The following CPLANE1 variants were observed in gnomAD, a reference collection of about 807,000 sequenced individuals.
CPLANE1 encodes the protein ciliogenesis and planar polarity effector 1.
In CPLANE1, 263 loss-of-function variants were observed where a neutral mutation model predicts 362.5. That is an observed-to-expected ratio of 0.73 (90% CI 0.66 to 0.80). The LOEUF is 0.80. Ranked by LOEUF, CPLANE1 falls within the 30% of genes least tolerant of loss-of-function variation. CPLANE1 has a pLI of 0.00. For missense variants in CPLANE1, 3,461 were observed against 3,793.4 expected (o/e 0.91, Z 2.30); for synonymous variants, 1,212 against 1,302.6 (o/e 0.93, Z 1.50).
intron 21 of CPLANE1, among the ~76,000 whole-genome samples, chr5:37,192,750 G>C (rs1310330489): frequency 6.6e-6 from 1 of 150,510 alleles, no homozygotes; most frequent in Non-Finnish European, 1.5e-5. Context: ...TGTAGTCCCA[G>C]CTACTCGGGA....
chr5:37,165,533 C>T lies in CPLANE1; in HGVS notation c.7533+6G>A, dbSNP rs1330525684. The T allele has an allele frequency of 6.2e-7, 1 of 1,608,220 alleles. No individual in the cohort carries two copies. The highest frequency in any genetic ancestry group is 1.7e-5 in the Admixed American group (1 of 58,668). The stretch of plus-strand genomic sequence containing the variant: ...CAGGGAAGAATCTATAGCAGTTTTT[C>T]TATACCTTGGGTTTCTTAATGATTT... On this transcript the variant is annotated splice_donor_region_variant and intron_variant, in intron 36 of 52. Coordinates refer to ENST00000651892, the MANE Select transcript of CPLANE1 (RefSeq NM_001384732.1).
At chr5:37,196,319 T>C (rs1481204264) in intron 20 of CPLANE1, among the ~76,000 whole-genome samples, 1 of 152,180 alleles carries the variant, frequency 6.6e-6, no homozygotes, top group Non-Finnish European at 1.5e-5. Flanking sequence ...AATCTTAATC[T>C]TATCCCAAAT....
chr5:37,245,877 G>A, intron 2 of CPLANE1, 32 bp from the exon 3 acceptor site: 3 of 1,445,538 alleles, frequency 2.1e-6, no homozygotes, highest in South Asian at 1.5e-5. Flanking sequence ...GGACTCAAGA[G>A]GTGCCAGAAA....
chr5:37,134,493 T>G (rs561758884), intron 46 of CPLANE1, among the ~76,000 whole-genome samples: 1 of 152,372 alleles, frequency 6.6e-6, no homozygotes, highest in Admixed American at 6.5e-5. Flanking sequence ...GTCACCTTTG[T>G]TGTTTTCTGA....
chr5:37,247,570 C>T, intron 2 of CPLANE1, 48 bp downstream of exon 2: 1 of 1,477,586 alleles, frequency 6.8e-7, no homozygotes, highest in Non-Finnish European at 9.2e-7. Context: ...GCAAAACACA[C>T]ATATAACATA....
In CPLANE1 at chr5:37,108,280, G is replaced by A. The variant is rs767567076; in HGVS notation, c.9579+13C>T. On this transcript the variant is annotated intron_variant, in intron 52 of 52. Coordinates refer to ENST00000651892, the MANE Select transcript of CPLANE1 (RefSeq NM_001384732.1). Reference sequence around the variant, plus strand: ...GCAATCACTAGACAAACAAAATCTAGAACAATGCTTACTTGTAGAAGGGAA... The same window carrying A: ...GCAATCACTAGACAAACAAAATCTAAAACAATGCTTACTTGTAGAAGGGAA... The A allele has an allele frequency of 1.2e-6, 2 of 1,609,848 alleles. No individual in the cohort carries two copies. Among genetic ancestry groups the A allele is most frequent in the Admixed American group, 1.7e-5 (1 of 59,576 alleles).
intron 23 of CPLANE1, 135 bp downstream of exon 23, chr5:37,187,279 T>C (rs1784345758): frequency 2.8e-6 from 2 of 721,306 alleles, no homozygotes; most frequent in Admixed American, 6.3e-5. Context: ...AGTATTTACC[T>C]TTTTGAACCC....
At chr5:37,101,037 A>G in the CPLANE1 span, among the ~76,000 whole-genome samples, 12 of 152,354 alleles carry the variant, frequency 7.9e-5, no homozygotes, top group Middle Eastern at 3.4e-3. Context: ...TTCTAGATAT[A>G]GGATCACACC....
chr5:37,094,383 T>C, the CPLANE1 span, among the ~76,000 whole-genome samples: 2 of 152,176 alleles, frequency 1.3e-5, no homozygotes, highest in Non-Finnish European at 2.9e-5. Flanking sequence ...TTCTTTGAAC[T>C]GAATGACAAT....
chr5:37,118,790 T>C lies in CPLANE1; in HGVS notation c.9310+1426A>G, dbSNP rs184241419. ...GTGCAGTGGTGCGATCTCAGCTCAC[T>C]GCAACCTCCGCCTCCTGGGTTCAAG... On this transcript the variant is annotated intron_variant, in intron 50 of 52. Transcript: ENST00000651892. 7.9e-5 allele frequency among the ~76,000 whole-genome samples: 12 copies of C among 151,780 alleles called. No homozygotes were observed. The East Asian group carries it at 1.7e-3, about 22-fold the overall frequency.
chr5:37,226,747 A>C lies in CPLANE1; in HGVS notation c.1848T>G (p.Phe616Leu). The C allele has an allele frequency of 6.5e-7, 1 of 1,543,614 alleles. No individual in the cohort carries two copies. The highest frequency in any genetic ancestry group is 8.7e-7 in the Non-Finnish European group (1 of 1,143,588). The stretch of plus-strand genomic sequence containing the variant: ...TGCTTAAAACAAGATCAAGTTTAGG[A>C]AAAGGACATTTTATAAATTGAAGAA... ...FYILQFIKCP[F>L]PKLDLVLSKS... The change falls in exon 12 of 53, where the codon TTT becomes TTG. Residue 616 changes from phenylalanine (F) to leucine (L), a missense_variant. This residue lies in a region of CPLANE1 where 3,380 missense variants were observed against 3,666.1 expected (regional missense o/e 0.92). Coordinates refer to ENST00000651892, the MANE Select transcript of CPLANE1 (RefSeq NM_001384732.1).
In CPLANE1 at chr5:37,107,332, G is replaced by C. The variant is rs912313881; in HGVS notation, c.*270C>G. 18 of 1,163,658 alleles carry C rather than the reference G, an allele frequency of 1.5e-5. No individual in the cohort carries two copies. Among genetic ancestry groups the C allele is most frequent in the Non-Finnish European group, 1.9e-5 (18 of 945,916 alleles). 72.1% of individuals were successfully genotyped at this position (1,163,658 alleles called of 1,614,324 possible). On this transcript the variant is annotated 3_prime_UTR_variant, in exon 53 of 53. Coordinates refer to ENST00000651892, the MANE Select transcript of CPLANE1 (RefSeq NM_001384732.1). ...TAGGTTATGCAAACTTGGCTTGAAAGGTACTTATCATTTTAAAAATTATGC... is the reference window on the plus strand; with the variant it reads ...TAGGTTATGCAAACTTGGCTTGAAACGTACTTATCATTTTAAAAATTATGC...
At chr5:37,085,682 G>T in the CPLANE1 span, 4 of 1,134,344 alleles carry the variant, frequency 3.5e-6, no homozygotes, top group Non-Finnish European at 5.4e-6. Flanking sequence ...TTTTGACGTG[G>T]TTCACATGAA....
At chr5:37,118,299 G>A (rs999416685) in intron 50 of CPLANE1, among the ~76,000 whole-genome samples, 8 of 151,772 alleles carry the variant, frequency 5.3e-5, no homozygotes, top group Admixed American at 1.3e-4. Context: ...ACAGCTACTC[G>A]GGAGGCTGAG....
At chr5:37,211,825 A>G (rs764039069) in intron 16 of CPLANE1, 34 of 803,580 alleles carry the variant, frequency 4.2e-5, no homozygotes, top group Non-Finnish European at 7.0e-5. Context: ...GCTTTTAAGG[A>G]TAACGAGGAA....
chr5:37,107,324 G>T lies in CPLANE1; in HGVS notation c.*278C>A. On this transcript the variant is annotated 3_prime_UTR_variant, in exon 53 of 53. Coordinates refer to ENST00000651892, the MANE Select transcript of CPLANE1 (RefSeq NM_001384732.1). ...ATTGAAAGTAGGTTATGCAAACTTG[G>T]CTTGAAAGGTACTTATCATTTTAAA... 1 of 1,144,592 alleles carries T rather than the reference G, an allele frequency of 8.7e-7. No homozygotes were observed. The highest frequency in any genetic ancestry group is 1.1e-6 in the Non-Finnish European group (1 of 933,826). The allele number at this position is 1,144,592 out of a possible 1,614,324, so 70.9% of individuals were successfully genotyped here. A position where few individuals can be genotyped will look rare whatever the true frequency, so the allele number is the denominator to read the frequency against.
intron 32 of CPLANE1, among the ~76,000 whole-genome samples, chr5:37,172,806 C>T (rs1399605691): frequency 1.3e-5 from 2 of 151,874 alleles, no homozygotes; most frequent in South Asian, 2.1e-4. Context: ...GCCAACATGG[C>T]GAAACTCCAT....
intron 33 of CPLANE1, 71 bp downstream of exon 33, chr5:37,169,970 C>T (rs1779307850): frequency 7.4e-6 from 11 of 1,479,414 alleles, no homozygotes; most frequent in East Asian, 2.3e-5. Flanking sequence ...CAGGTGTGGC[C>T]TGCCAAAGTG....
the CPLANE1 span, among the ~76,000 whole-genome samples, chr5:37,092,526 A>T: frequency 7.2e-5 from 11 of 152,350 alleles, no homozygotes; most frequent in Middle Eastern, 3.4e-3. Flanking sequence ...GCCTCCAGTT[A>T]GGCAATTATA....
Sources: allele counts gnomAD v4.1 joint callset (sites outside exome capture counted in the v4.1 genomes callset), GRCh38; gene constraint gnomAD v4.1.1; regional missense constraint gnomAD v4.1.1; transcripts MANE v1.5; gene names NCBI Gene and HGNC (gene_info 2026-07-23, HGNC 2026-07-21).